The following CST5 variants were observed in gnomAD, a reference collection of about 807,000 sequenced individuals.
CST5 encodes the protein cystatin D, also known as cystatin-D.
CST5 carries 13 observed loss-of-function variants against 11.5 expected under a neutral mutation model. The ratio of observed to expected loss-of-function variants is 1.13; its 90% CI spans 0.73 to 1.79. The LOEUF (loss-of-function observed/expected upper bound fraction) is 1.79. Ranked by LOEUF, CST5 falls within the 40% of genes most tolerant of loss-of-function variation. The pLI is 0.00. For synonymous variants in CST5, 81 were observed against 67.6 expected, an observed-to-expected ratio of 1.20 and a Z score of -0.97; for missense variants, 219 against 174.5, an observed-to-expected ratio of 1.25 and a Z score of -1.44.
Position 23,876,916 on chromosome 20 carries a change from C to A in CST5, c.345+589G>T, listed in dbSNP as rs73902195. 4.0e-3 allele frequency among the ~76,000 whole-genome samples: 603 copies of A among 152,278 alleles called. 3 individuals carry two copies. The highest frequency in any genetic ancestry group is 0.014 in the African/African-American group (575 of 41,558). ...GAGCCCCTTCTTTCTGACCAGAACC[C>A]AGCCCAGCAGCTTCTTCCTCCAGTC... On this transcript the variant is annotated intron_variant, in intron 2 of 2. Transcript: ENST00000304710.
At chr20:23,877,116 C>T (rs984328991) in intron 2 of CST5, among the ~76,000 whole-genome samples, 1 of 152,154 alleles carries the variant, frequency 6.6e-6, no homozygotes, top group East Asian at 1.9e-4. Flanking sequence ...TGCATGAACC[C>T]ACATACTCCT....
rs1468725861 is a variant in CST5, at chr20:23,876,100, C to T, written c.*88G>A. On this transcript the variant is annotated 3_prime_UTR_variant, in exon 3 of 3. Coordinates refer to ENST00000304710, the MANE Select transcript of CST5 (RefSeq NM_001900.5). Reference sequence around the variant, plus strand: ...GTGCAGGCGCATGAGGAGACCTCCCCCAGGGTGGGGGCCACCAGTCCAGGG... The same window carrying T: ...GTGCAGGCGCATGAGGAGACCTCCCTCAGGGTGGGGGCCACCAGTCCAGGG... 1 of 1,091,674 alleles carries T rather than the reference C, an allele frequency of 9.2e-7. No individual in the cohort carries two copies. 67.6% of individuals were successfully genotyped at this position (1,091,674 alleles called of 1,614,324 possible).
At position 23,876,285 on chromosome 20, in the gene CST5, G is replaced by C. The variant is rs1985960176; in HGVS notation, c.346-14C>G. 6.3e-7 allele frequency: 1 copy of C among 1,599,208 alleles called. No individual in the cohort carries two copies. The highest frequency in any genetic ancestry group is 8.6e-7 in the Non-Finnish European group (1 of 1,166,698). ...GCAGAACTCTTCCTGTGAAAAGAAA[G>C]AGATGGAGAAAATGACTGTGGGTTA... On this transcript the variant is annotated splice_polypyrimidine_tract_variant and intron_variant, in intron 2 of 2. Transcript: ENST00000304710.
Position 23,877,464 on chromosome 20 carries a change from T to A in CST5, c.345+41A>T, listed in dbSNP as rs1985987827. 2.7e-6 allele frequency: 4 copies of A among 1,463,542 alleles called. No individual in the cohort carries two copies. The East Asian group carries it at 9.1e-5, about 33-fold the overall frequency. 90.7% of individuals were successfully genotyped at this position (1,463,542 alleles called of 1,614,324 possible). ...ACACACACACACATGCACACACTGC[T>A]CTGCGGTACTTGATGCCCCTGACCC... On this transcript the variant is annotated intron_variant, in intron 2 of 2. Coordinates refer to ENST00000304710, the MANE Select transcript of CST5 (RefSeq NM_001900.5).
intron 2 of CST5, among the ~76,000 whole-genome samples, chr20:23,877,214 A>G (rs539327045): frequency 6.6e-6 from 1 of 151,872 alleles, no homozygotes; most frequent in Non-Finnish European, 1.5e-5. Flanking sequence ...GCATAGCCAC[A>G]TGTGTACACC....
At chr20:23,876,740 G>T (rs746486749) in intron 2 of CST5, among the ~76,000 whole-genome samples, 1 of 152,196 alleles carries the variant, frequency 6.6e-6, no homozygotes, top group Non-Finnish European at 1.5e-5. Context: ...CTTGAGCAGA[G>T]ACCTCGAAAG....
At chr20:23,878,034 T>G (rs1986001414) in intron 1 of CST5, among the ~76,000 whole-genome samples, 1 of 152,120 alleles carries the variant, frequency 6.6e-6, no homozygotes, top group African/African-American at 2.4e-5. Flanking sequence ...CAGCAAAGGA[T>G]TAACTGAATT....
rs1317607507 is a variant in CST5, at chr20:23,876,328, G to A, written c.346-57C>T. Reference sequence around the variant, plus strand: ...GTGGGTTACAGTTAAAGCCAAAGATGCCCAGGAATGGGACATCAGAATGGG... The same window carrying A: ...GTGGGTTACAGTTAAAGCCAAAGATACCCAGGAATGGGACATCAGAATGGG... On this transcript the variant is annotated intron_variant, in intron 2 of 2. Coordinates refer to ENST00000304710, the MANE Select transcript of CST5 (RefSeq NM_001900.5). 2.9e-6 allele frequency: 4 copies of A among 1,378,112 alleles called. No individual in the cohort carries two copies. The East Asian group carries it at 9.2e-5, about 32-fold the overall frequency. 85.4% of individuals were successfully genotyped at this position (1,378,112 alleles called of 1,614,324 possible).
Position 23,877,547 on chromosome 20 carries a change from G to C in CST5, c.303C>G (p.Asn101Lys). The C allele has an allele frequency of 6.2e-7, 1 of 1,614,158 alleles. No individual in the cohort carries two copies. The highest frequency in any genetic ancestry group is 8.5e-7 in the Non-Finnish European group (1 of 1,179,986). ...GRTTCTKSQP[N>K]LDNCPFNDQP... Reference sequence around the variant, plus strand: ...GGTCATTGAAGGGACAGTTGTCCAAGTTGGGCTGGGACTTGGTGCATGTGG... The same window carrying C: ...GGTCATTGAAGGGACAGTTGTCCAACTTGGGCTGGGACTTGGTGCATGTGG... Residue 101 changes from asparagine to lysine, a missense_variant, in exon 2 of 3, where the codon AAC (asparagine) becomes AAG (lysine). Physicochemically the swap from Asn to Lys is moderately conservative, Grantham distance 94. Coordinates refer to ENST00000304710, the MANE Select transcript of CST5 (RefSeq NM_001900.5).
Position 23,877,608 on chromosome 20 carries a change from C to T in CST5, c.242G>A (p.Gly81Glu). The T allele has an allele frequency of 2.0e-6, 3 of 1,509,574 alleles. No homozygotes were observed. Among genetic ancestry groups the T allele is most frequent in the Non-Finnish European group, 2.7e-6 (3 of 1,130,382 alleles). The allele number at this position is 1,509,574 out of a possible 1,614,324, so 93.5% of individuals were successfully genotyped here. The change falls in exon 2 of 3, where the codon GGG (glycine) becomes GAG (glutamate). Residue 81 changes from glycine to glutamate, a missense_variant. Coordinates refer to ENST00000304710, the MANE Select transcript of CST5 (RefSeq NM_001900.5). ...VMAAYQQIVG[G>E]VNYYFNVKFG... is the part of the protein sequence containing the mutation. Reference sequence around the variant, plus strand: ...CTTCACATTGAAGTAGTAGTTCACCCCACCCACGATCTACACGCGTGGAAG... The same window carrying T: ...CTTCACATTGAAGTAGTAGTTCACCTCACCCACGATCTACACGCGTGGAAG...
rs1240501437 is a variant in CST5 at position 23,877,491 on chromosome 20, C to T, written c.345+14G>A. The T allele has an allele frequency of 1.2e-6, 2 of 1,601,780 alleles. No individual in the cohort carries two copies. Among genetic ancestry groups the T allele is most frequent in the Non-Finnish European group, 1.7e-6 (2 of 1,168,860 alleles). On this transcript the variant is annotated intron_variant, in intron 2 of 2. Transcript: ENST00000304710. ...TGCGGTACTTGATGCCCCTGACCCA[C>T]ATCAGGCACATACCTCTTTCAGTTT...
At chr20:23,879,395 G>A (rs763623284) in intron 1 of CST5, 51 bp downstream of exon 1, 23 of 1,447,842 alleles carry the variant, frequency 1.6e-5, no homozygotes, top group Non-Finnish European at 2.2e-5. Context: ...GGGGGGTGAG[G>A]CAAAAAACCC....
chr20:23,879,682 A>C lies in CST5; in HGVS notation c.-6T>G. ...GTGTGCATGGGCCACATCATGTTCTACTGGGACACAGAGCAAGGAGCTGGA... is the reference window on the plus strand; with the variant it reads ...GTGTGCATGGGCCACATCATGTTCTCCTGGGACACAGAGCAAGGAGCTGGA... On this transcript the variant is annotated 5_prime_UTR_variant, in exon 1 of 3. Coordinates refer to ENST00000304710, the MANE Select transcript of CST5 (RefSeq NM_001900.5). 1 of 1,610,518 alleles carries C rather than the reference A, an allele frequency of 6.2e-7. No homozygotes were observed. Among genetic ancestry groups the C allele is most frequent in the Non-Finnish European group, 8.5e-7 (1 of 1,177,358 alleles).
At chr20:23,877,943 C>A (rs1337412610) in intron 1 of CST5, among the ~76,000 whole-genome samples, 2 of 152,228 alleles carry the variant, frequency 1.3e-5, no homozygotes, top group Non-Finnish European at 2.9e-5. Flanking sequence ...TCTGGGGAAC[C>A]AGCCAGGGTG....
chr20:23,878,891 ACT>A (rs1259886238), intron 1 of CST5, among the ~76,000 whole-genome samples: 1 of 152,096 alleles, frequency 6.6e-6, no homozygotes, highest in African/African-American at 2.4e-5. Flanking sequence ...CTGAGGTCTA[ACT>A]CTGCGTTAGC....
chr20:23,877,425 G>A (rs1358419979), intron 2 of CST5, 80 bp downstream of exon 2: 57 of 1,092,896 alleles, frequency 5.2e-5, no homozygotes, highest in South Asian at 3.3e-4. Flanking sequence ...GTACAGATGC[G>A]TGCACACACA....
Position 23,875,983 on chromosome 20 carries a change from C to T in CST5, c.*205G>A, listed in dbSNP as rs1398492464. 1 of 509,720 alleles carries T rather than the reference C, an allele frequency of 2.0e-6. No homozygotes were observed. 31.6% of individuals were successfully genotyped at this position (509,720 alleles called of 1,614,324 possible). A position where few individuals can be genotyped will look rare whatever the true frequency, so the allele number is the denominator to read the frequency against. On this transcript the variant is annotated 3_prime_UTR_variant, in exon 3 of 3. Coordinates refer to ENST00000304710, the MANE Select transcript of CST5 (RefSeq NM_001900.5). ...GAGGTGGGAGAGTGTGCACTGCACA[C>T]TGGGGCTATGAGAAGCAAGAAGGAA... is the stretch of plus-strand genomic sequence containing the variant.
Position 23,879,546 on chromosome 20 carries a change from A to G in CST5, c.131T>C (p.Val44Ala). The change falls in exon 1 of 3, where the codon GTG becomes GCG. Residue 44 changes from valine to alanine, a missense_variant. By Grantham distance (64) the Val-to-Ala change is moderately conservative. Transcript: ENST00000304710. ...IHATDLNDKS[V>A]QCALDFAISE... ...GATGGCAAAGTCCAGGGCACACTGC[A>G]CACTCTTGTCATTGAGGTCTGTGGC... 6.2e-7 allele frequency: 1 copy of G among 1,614,078 alleles called. No individual in the cohort carries two copies. The highest frequency in any genetic ancestry group is 8.5e-7 in the Non-Finnish European group (1 of 1,179,994).
At chr20:23,876,378 A>C in intron 2 of CST5, 107 bp from the exon 3 acceptor site, 1 of 869,822 alleles carries the variant, frequency 1.1e-6, no homozygotes, top group Non-Finnish European at 1.8e-6. Flanking sequence ...GAGATGAGAC[A>C]CTGCCCCCTG....
Sources: allele counts gnomAD v4.1 joint callset (sites outside exome capture counted in the v4.1 genomes callset), GRCh38; gene constraint gnomAD v4.1.1; transcripts MANE v1.5; gene names NCBI Gene and HGNC (gene_info 2026-07-23, HGNC 2026-07-21).